The following LNX1 variants were observed in gnomAD, a reference collection of about 807,000 sequenced individuals.
LNX1 encodes ligand of numb-protein X 1.
A neutral mutation model predicts 68.4 loss-of-function variants in LNX1; 54 were observed. The ratio of observed to expected loss-of-function variants is 0.79; its 90% confidence interval spans 0.63 to 0.99. LNX1 has a LOEUF of 0.99. LNX1 is among the 50% of genes least tolerant of loss of function. LNX1 has a pLI of 0.00. For missense variants in LNX1, 906 were observed against 926.4 expected, an observed-to-expected ratio of 0.98 and a Z score of 0.29; for synonymous variants, 336 against 350.0, an observed-to-expected ratio of 0.96 and a Z score of 0.45.
intron 2 of LNX1, among the ~76,000 whole-genome samples, chr4:53,523,885 G>A (rs1727424811): frequency 6.6e-6 from 1 of 152,140 alleles, no homozygotes; most frequent in Non-Finnish European, 1.5e-5. Context: ...CAGTGATAGA[G>A]GATTTGGTTA....
chr4:53,632,711 C>A (rs1295766846), intron 1 of LNX1, among the ~76,000 whole-genome samples: 2 of 152,110 alleles, frequency 1.3e-5, no homozygotes, highest in East Asian at 3.9e-4. Context: ...CATGGGGAAC[C>A]ATATCAGGTT....
At chr4:53,576,119 C>A in intron 1 of LNX1, 4 of 1,556,130 alleles carry the variant, frequency 2.6e-6, no homozygotes, top group Non-Finnish European at 3.5e-6. Context: ...AGCCAGCGGC[C>A]CCTCCTTGAT....
At chr4:53,461,945 C>T in intron 9 of LNX1, among the ~76,000 whole-genome samples, 1 of 152,040 alleles carries the variant, frequency 6.6e-6, no homozygotes, top group East Asian at 1.9e-4. Flanking sequence ...AACAAACACA[C>T]TTATGGATGT....
At chr4:53,502,052 C>T (rs781282574) in intron 4 of LNX1, 1 of 152,228 alleles carries the variant, frequency 6.6e-6, no homozygotes, top group Non-Finnish European at 1.5e-5. Context: ...ACCTTCACCT[C>T]ATCTTCTGTA....
intron 1 of LNX1, chr4:53,579,212 G>A (rs1295825524): frequency 1.0e-6 from 1 of 961,794 alleles, no homozygotes; most frequent in Non-Finnish European, 1.2e-6. Flanking sequence ...GCAGTTTAGA[G>A]TAAGAAAGAG....
chr4:53,590,390 T>C (rs1300925894), intron 1 of LNX1, among the ~76,000 whole-genome samples: 1 of 152,338 alleles, frequency 6.6e-6, no homozygotes, highest in African/African-American at 2.4e-5. Flanking sequence ...TAGAATGAAG[T>C]GTCTCGCAGA....
At chr4:53,644,948 G>A (rs1028979467) in intron 1 of LNX1, among the ~76,000 whole-genome samples, 18 of 152,154 alleles carry the variant, frequency 1.2e-4, no homozygotes, top group African/African-American at 3.9e-4. Context: ...AACAGAGTGA[G>A]GGAGAAGTAG....
upstream of LNX1, among the ~76,000 whole-genome samples, chr4:53,618,094 C>T (rs1169259002): frequency 6.6e-6 from 1 of 152,116 alleles, no homozygotes; most frequent in Non-Finnish European, 1.5e-5. Context: ...AACAACTTAG[C>T]TTCTTACTGA....
upstream of LNX1, among the ~76,000 whole-genome samples, chr4:53,592,164 CAGTT>C (rs1328160037): frequency 2.0e-5 from 3 of 150,822 alleles, no homozygotes; most frequent in Non-Finnish European, 4.4e-5. Flanking sequence ...GCTGGCTTGG[CAGTT>C]AGAGTCATAC....
At chr4:53,521,658 T>G (rs1485583139) in intron 2 of LNX1, among the ~76,000 whole-genome samples, 1 of 152,134 alleles carries the variant, frequency 6.6e-6, no homozygotes, top group East Asian at 1.9e-4. Flanking sequence ...TTACTCCTTC[T>G]ATAAAACATA....
Position 53,501,299 on chromosome 4 carries a change from T to TGGGG in LNX1, c.776-2460_776-2457dup, listed in dbSNP as rs1553932749. ...TAATAATCTTTTTTTTTTTTTTTTT[T>TGGGG]GGGGGTGGGGGGACAGGATCTCACT... is the stretch of plus-strand genomic sequence containing the variant. On this transcript the variant is annotated intron_variant, in intron 4 of 10. Transcript: ENST00000263925. Among the ~76,000 whole-genome samples the TGGGG allele has an allele frequency of 1.8e-3, 68 of 38,724 alleles. 1 individual carries two copies. The highest frequency in any genetic ancestry group is 2.8e-3 in the East Asian group (4 of 1,444). The allele number at this position is 38,724 out of a possible 152,430, so 25.4% of individuals were successfully genotyped here.
chr4:53,639,385 C>G (rs957504318), intron 1 of LNX1, among the ~76,000 whole-genome samples: 1 of 152,040 alleles, frequency 6.6e-6, no homozygotes, highest in Non-Finnish European at 1.5e-5. Context: ...GTGCTATGCT[C>G]AGTACCTGGG....
chr4:53,506,535 C>A (rs1425560774), intron 4 of LNX1, among the ~76,000 whole-genome samples: 1 of 152,028 alleles, frequency 6.6e-6, no homozygotes, highest in Non-Finnish European at 1.5e-5. Context: ...CCTCTCTGTG[C>A]CACAGTTTCC....
intron 2 of LNX1, among the ~76,000 whole-genome samples, chr4:53,542,841 C>T (rs1051725274): frequency 6.6e-6 from 1 of 152,088 alleles, no homozygotes; most frequent in Non-Finnish European, 1.5e-5. Context: ...CCGGTAAGAA[C>T]CCCCCTCTCC....
intron 2 of LNX1, among the ~76,000 whole-genome samples, chr4:53,533,384 G>T (rs1728149530): frequency 6.6e-6 from 1 of 152,190 alleles, no homozygotes; most frequent in Non-Finnish European, 1.5e-5. Context: ...ATCCCAAAGA[G>T]ACATCTGACA....
chr4:53,569,268 C>G (rs1409191759), intron 2 of LNX1, among the ~76,000 whole-genome samples: 3 of 150,000 alleles, frequency 2.0e-5, no homozygotes, highest in Non-Finnish European at 4.5e-5. Context: ...AACTATACTA[C>G]AAGGCTACAG....
upstream of LNX1, chr4:53,591,527 A>T: frequency 1.0e-6 from 1 of 985,534 alleles, no homozygotes; most frequent in South Asian, 4.7e-5. Context: ...TGGAGGAAGG[A>T]GGACGGCATT....
At chr4:53,533,322 C>T (rs138021296) in intron 2 of LNX1, among the ~76,000 whole-genome samples, 7 of 152,278 alleles carry the variant, frequency 4.6e-5, no homozygotes, top group African/African-American at 1.7e-4. Context: ...CCCCATTCTC[C>T]CTTTAGCAAT....
intron 1 of LNX1, among the ~76,000 whole-genome samples, chr4:53,629,659 C>G (rs1369461885): frequency 1.3e-5 from 2 of 152,062 alleles, no homozygotes; most frequent in East Asian, 3.9e-4. Context: ...AGGCTCAGAC[C>G]TGGAGGATGG....
Sources: gnomAD v4.1 joint callset for allele counts (sites outside exome capture counted in the v4.1 genomes callset) on GRCh38, gnomAD v4.1.1 for gene constraint, MANE v1.5 for transcripts, NCBI Gene and HGNC (gene_info 2026-07-23, HGNC 2026-07-21) for gene names.